The following NETO1 variants were observed in gnomAD, a reference collection of about 807,000 sequenced individuals.
NETO1 encodes the protein neuropilin and tolloid-like protein 1.
In NETO1, 26 loss-of-function variants were observed where a neutral mutation model predicts 61.3. The ratio of observed to expected loss-of-function variants is 0.42; its 90% CI spans 0.31 to 0.59. NETO1 has a LOEUF of 0.59. Among genes scored for constraint, NETO1 ranks in the 20% least tolerant of loss-of-function variants. The pLI is 0.12. For synonymous variants in NETO1, 225 were observed against 225.8 expected (o/e 1.00, Z 0.03); for missense variants, 531 against 662.8 (o/e 0.80, Z 2.18).
chr18:72,770,163 T>C (rs1378545235), intron 7 of NETO1, among the ~76,000 whole-genome samples: 2 of 152,066 alleles, frequency 1.3e-5, no homozygotes, highest in African/African-American at 4.8e-5. Flanking sequence ...TTGCTTCTTA[T>C]GCTTACAGGG....
Position 72,823,380 on chromosome 18 carries a change from G to C in NETO1, c.470-28976C>G, listed in dbSNP as rs73471884. ...TGTGAAAGAGGTAACTCTTACATGA[G>C]CGGAGCAGGGGAAGGCAGAGAGGGC... On this transcript the variant is annotated intron_variant, in intron 4 of 10. Coordinates refer to ENST00000327305, the MANE Select transcript of NETO1 (RefSeq NM_138966.5). 6.5e-3 allele frequency among the ~76,000 whole-genome samples: 996 copies of C among 152,186 alleles called. 7 individuals are homozygous for C. The highest frequency in any genetic ancestry group is 0.021 in the African/African-American group (863 of 41,496).
intron 3 of NETO1, among the ~76,000 whole-genome samples, chr18:72,862,622 C>CT (rs11453772): frequency 0.51 from 62,676 of 122,464 alleles, 18,627 homozygotes; most frequent in Non-Finnish European, 0.66. Flanking sequence ...CTTTTTTTTT[C>CT]TTTTTTTTTT....
rs933748038 is a variant in NETO1, at chr18:72,745,429, T to C, written c.*2750A>G. 1 of 152,062 alleles carries C rather than the reference T, an allele frequency of 6.6e-6. No individual in the cohort carries two copies. Among genetic ancestry groups the C allele is most frequent in the Non-Finnish European group, 1.5e-5 (1 of 67,976 alleles). 9.4% of individuals were successfully genotyped at this position (152,062 alleles called of 1,614,324 possible). ...CTTGAAAAAATAAAATGAAAAAGAA[T>C]AGCTTTATGAAATTAACACAGCAGG... On this transcript the variant is annotated 3_prime_UTR_variant, in exon 11 of 11. Transcript: ENST00000327305.
At chr18:72,772,851 A>C (rs553749931) in intron 7 of NETO1, among the ~76,000 whole-genome samples, 1,001 of 72,834 alleles carry the variant, frequency 0.014, 42 homozygotes, top group African/African-American at 0.03. Flanking sequence ...ATATATATAT[A>C]TATATATATA....
intron 4 of NETO1, among the ~76,000 whole-genome samples, chr18:72,818,473 A>G (rs1044596007): frequency 1.3e-5 from 2 of 152,230 alleles, no homozygotes; most frequent in Non-Finnish European, 2.9e-5. Context: ...TCACACTAGC[A>G]CAGTGGAAAA....
intron 2 of NETO1, 29 bp from the exon 3 acceptor site, chr18:72,864,974 A>G: frequency 6.4e-7 from 1 of 1,570,530 alleles, no homozygotes; most frequent in South Asian, 1.2e-5. Context: ...AGTTTTAAAA[A>G]GAGCCATCAT....
intron 7 of NETO1, among the ~76,000 whole-genome samples, chr18:72,770,571 T>C (rs1252439802): frequency 1.3e-5 from 2 of 152,150 alleles, no homozygotes; most frequent in Admixed American, 1.3e-4. Flanking sequence ...AAATAAATAT[T>C]TCCTATATTA....
intron 4 of NETO1, among the ~76,000 whole-genome samples, chr18:72,817,904 T>C (rs984918998): frequency 6.6e-6 from 1 of 152,198 alleles, no homozygotes; most frequent in East Asian, 1.9e-4. Flanking sequence ...CCATATAGAA[T>C]GGAAATATTG....
intron 7 of NETO1, among the ~76,000 whole-genome samples, chr18:72,777,976 T>A (rs1331899117): frequency 6.6e-6 from 1 of 152,090 alleles, no homozygotes; most frequent in African/African-American, 2.4e-5. Context: ...ATACTCTCTG[T>A]CCGGGTTCCA....
At chr18:72,859,971 T>C (rs979913987) in intron 3 of NETO1, among the ~76,000 whole-genome samples, 9 of 152,056 alleles carry the variant, frequency 5.9e-5, no homozygotes, top group African/African-American at 2.2e-4. Context: ...TGAGTGTATA[T>C]TCATAAATGT....
chr18:72,796,728 T>C (rs1236290694), intron 4 of NETO1, among the ~76,000 whole-genome samples: 1 of 152,024 alleles, frequency 6.6e-6, no homozygotes, highest in Non-Finnish European at 1.5e-5. Flanking sequence ...CCTCCCAAAG[T>C]GCTGGGATTA....
intron 1 of NETO1, chr18:72,866,846 T>C (rs2145709780): frequency 1.0e-6 from 1 of 991,462 alleles, no homozygotes; most frequent in Non-Finnish European, 1.2e-6. Flanking sequence ...TGCTACCTCC[T>C]GTACTGCGAA....
intron 8 of NETO1, among the ~76,000 whole-genome samples, chr18:72,750,831 A>G (rs1301550111): frequency 6.7e-6 from 1 of 149,272 alleles, no homozygotes; most frequent in African/African-American, 2.5e-5. Flanking sequence ...CAGCCTTAAA[A>G]ATAGCCCTCC....
chr18:72,796,125 T>C (rs1332889606), intron 4 of NETO1, among the ~76,000 whole-genome samples: 1 of 152,230 alleles, frequency 6.6e-6, no homozygotes, highest in East Asian at 1.9e-4. Flanking sequence ...ATATAAAAAG[T>C]AGCATTCTTT....
chr18:72,828,913 A>G (rs1267714197), intron 4 of NETO1, among the ~76,000 whole-genome samples: 1 of 152,198 alleles, frequency 6.6e-6, no homozygotes, highest in Non-Finnish European at 1.5e-5. Context: ...GGAAATGGGA[A>G]GATATTTAGA....
chr18:72,807,803 A>G (rs953918602), intron 4 of NETO1, among the ~76,000 whole-genome samples: 2 of 151,946 alleles, frequency 1.3e-5, no homozygotes, highest in African/African-American at 4.8e-5. Flanking sequence ...TAGCTGTCAT[A>G]GAATAAGTTT....
chr18:72,782,220 G>T (rs1368690352), intron 7 of NETO1, among the ~76,000 whole-genome samples: 1 of 152,066 alleles, frequency 6.6e-6, no homozygotes, highest in Non-Finnish European at 1.5e-5. Flanking sequence ...CAATATATAT[G>T]TACCACATTT....
At chr18:72,787,295 A>G (rs1393283616) in intron 6 of NETO1, among the ~76,000 whole-genome samples, 1 of 151,684 alleles carries the variant, frequency 6.6e-6, no homozygotes, top group Non-Finnish European at 1.5e-5. Flanking sequence ...AGGAGAACAC[A>G]GATTAGGGTA....
chr18:72,846,504 CAAAAAAAAAAAAAAAAA>C lies in NETO1; in HGVS notation c.469+12305_469+12321del, dbSNP rs35252443. On this transcript the variant is annotated intron_variant, in intron 4 of 10. Coordinates refer to ENST00000327305, the MANE Select transcript of NETO1 (RefSeq NM_138966.5). ...TGGGCAATGGAGTGAGACTTCATCT[CAAAAAAAAAAAAAAAAA>C]AAAAAAAAAAAAAGAAGATGCATAG... 1.9e-3 allele frequency among the ~76,000 whole-genome samples: 25 copies of C among 13,002 alleles called. No homozygotes were observed. The South Asian group carries it at 0.12, about 62-fold the overall frequency. 8.5% of individuals were successfully genotyped at this position (13,002 alleles called of 152,430 possible).
Sources: gnomAD v4.1 joint callset for allele counts (sites outside exome capture counted in the v4.1 genomes callset) on GRCh38, gnomAD v4.1.1 for gene constraint, MANE v1.5 for transcripts, NCBI Gene and HGNC (gene_info 2026-07-23, HGNC 2026-07-21) for gene names.